Variants in BOLL observed in about 807,000 individuals in gnomAD.
BOLL encodes protein boule-like.
In BOLL, 23 loss-of-function variants were observed where a neutral mutation model predicts 44.4. That is an observed-to-expected ratio of 0.52 (90% CI 0.37 to 0.73). The LOEUF (loss-of-function observed/expected upper bound fraction) is 0.73, where lower values mean the gene tolerates loss of function less well. Ranked by LOEUF, BOLL falls within the 30% of genes least tolerant of loss-of-function variation. BOLL has a pLI of 0.00. For missense variants in BOLL, 287 were observed against 338.3 expected (o/e 0.85, Z 1.19); for synonymous variants, 97 against 110.8 (o/e 0.88, Z 0.78).
At chr2:197,754,063 A>T (rs905292582) in intron 9 of BOLL, among the ~76,000 whole-genome samples, 3 of 152,096 alleles carry the variant, frequency 2.0e-5, no homozygotes, top group Non-Finnish European at 4.4e-5. Context: ...GCATGTTCTC[A>T]CTCATAAGTG....
intron 3 of BOLL, among the ~76,000 whole-genome samples, chr2:197,777,315 A>G (rs544014030): frequency 2.6e-5 from 4 of 151,998 alleles, no homozygotes; most frequent in Non-Finnish European, 4.4e-5. Flanking sequence ...TAAAAGAAAA[A>G]AAACCCCTGA....
chr2:197,742,130 G>T (rs1404154469), intron 10 of BOLL, among the ~76,000 whole-genome samples: 3 of 152,198 alleles, frequency 2.0e-5, no homozygotes, highest in African/African-American at 7.2e-5. Context: ...TCTTACACCA[G>T]TTAGAATGGC....
rs963502078 is a variant in BOLL, at chr2:197,752,179, C to T, written c.729+4249G>A. ...AATAATAAGAGCTATTTATGACAAACGAATAGCCAATATCATACTGAATGG... is the reference window on the plus strand; with the variant it reads ...AATAATAAGAGCTATTTATGACAAATGAATAGCCAATATCATACTGAATGG... On this transcript the variant is annotated intron_variant, in intron 9 of 10. Coordinates refer to ENST00000392296, the MANE Select transcript of BOLL (RefSeq NM_033030.6). 3.3e-5 allele frequency among the ~76,000 whole-genome samples: 5 copies of T among 152,228 alleles called. No individual in the cohort carries two copies. In the East Asian group the frequency reaches 5.8e-4, roughly 18 times the overall value.
chr2:197,747,171 C>G (rs548760804), intron 9 of BOLL, among the ~76,000 whole-genome samples: 2 of 152,162 alleles, frequency 1.3e-5, no homozygotes, highest in South Asian at 4.1e-4. Context: ...TTGGGGTAAT[C>G]ATTTCACAGT....
chr2:197,784,349 T>C (rs1007329947), intron 1 of BOLL, among the ~76,000 whole-genome samples: 4 of 137,338 alleles, frequency 2.9e-5, no homozygotes, highest in Admixed American at 1.5e-4. Context: ...ATATGCCAAA[T>C]AGGCTGAAGG....
intron 9 of BOLL, among the ~76,000 whole-genome samples, chr2:197,750,438 A>T (rs1345627874): frequency 6.6e-6 from 1 of 152,212 alleles, no homozygotes; most frequent in Non-Finnish European, 1.5e-5. Context: ...CTCAAAATAA[A>T]GGGATGGAGG....
chr2:197,758,950 A>G (rs1241600530), intron 7 of BOLL: 4 of 1,535,834 alleles, frequency 2.6e-6, no homozygotes, highest in East Asian at 2.4e-5. Context: ...ACCTCATCAC[A>G]TTTGGTAAAA....
chr2:197,770,176 C>T (rs1045538045), intron 6 of BOLL, among the ~76,000 whole-genome samples: 2 of 152,004 alleles, frequency 1.3e-5, no homozygotes, highest in African/African-American at 4.8e-5. Context: ...GAACAGAGGC[C>T]TCAGAAATAA....
chr2:197,740,769 T>G (rs1418968837), intron 10 of BOLL, among the ~76,000 whole-genome samples: 1 of 152,100 alleles, frequency 6.6e-6, no homozygotes, highest in Non-Finnish European at 1.5e-5. Context: ...GCTTAATGGG[T>G]GCACAGAGTT....
intron 3 of BOLL, 25 bp downstream of exon 3, chr2:197,778,950 A>G: frequency 6.4e-7 from 1 of 1,572,532 alleles, no homozygotes; most frequent in African/African-American, 1.4e-5. Flanking sequence ...TGCTAATTCC[A>G]TAGACAATCT....
At chr2:197,745,038 G>C (rs898320976) in intron 9 of BOLL, among the ~76,000 whole-genome samples, 2 of 152,162 alleles carry the variant, frequency 1.3e-5, no homozygotes, top group Admixed American at 6.6e-5. Flanking sequence ...GATGAGTTAC[G>C]ATACAGGTAA....
chr2:197,753,022 T>C (rs957329983), intron 9 of BOLL, among the ~76,000 whole-genome samples: 2 of 152,178 alleles, frequency 1.3e-5, no homozygotes, highest in African/African-American at 4.8e-5. Context: ...CATCTGATCT[T>C]TGACAAACCT....
chr2:197,757,336 T>C lies in BOLL; in HGVS notation c.600+17A>G. The C allele has an allele frequency of 6.3e-7, 1 of 1,594,482 alleles. No homozygotes were observed. The highest frequency in any genetic ancestry group is 8.6e-7 in the Non-Finnish European group (1 of 1,166,752). On this transcript the variant is annotated intron_variant, in intron 8 of 10. Transcript: ENST00000392296. ...GAAAGAAGGATTTAAAATTATATAT[T>C]GAAAGTTAACATTTACCTGAGGAAC...
At chr2:197,780,428 AC>A (rs1319064335) in intron 2 of BOLL, among the ~76,000 whole-genome samples, 1 of 152,078 alleles carries the variant, frequency 6.6e-6, no homozygotes, top group African/African-American at 2.4e-5. Context: ...GGCTTCAGTA[AC>A]CTAAAATAAC....
chr2:197,761,156 TA>T (rs1227088998), intron 7 of BOLL, among the ~76,000 whole-genome samples: 2 of 151,714 alleles, frequency 1.3e-5, no homozygotes, highest in East Asian at 1.9e-4. Flanking sequence ...CCCTATCTCT[TA>T]AAAAAAATTA....
Position 197,731,282 on chromosome 2 carries a change from C to G in BOLL, c.829-2704G>C, listed in dbSNP as rs1687163650. On this transcript the variant is annotated intron_variant, in intron 10 of 10. Transcript: ENST00000392296. ...GAGCTAACTATCCTAAATATATATG[C>G]ACCCAATACAGGAGCACCAAGATTC... is the stretch of plus-strand genomic sequence containing the variant. Among the ~76,000 whole-genome samples, 4 of 150,684 alleles carry G rather than the reference C, an allele frequency of 2.7e-5. No individual in the cohort carries two copies. In the South Asian group the frequency reaches 8.5e-4, roughly 32 times the overall value.
intron 9 of BOLL, among the ~76,000 whole-genome samples, chr2:197,748,916 C>T (rs935350872): frequency 3.3e-5 from 5 of 152,234 alleles, no homozygotes; most frequent in African/African-American, 1.2e-4. Context: ...TAAGTGAGTC[C>T]CTGACACCTG....
intron 9 of BOLL, among the ~76,000 whole-genome samples, chr2:197,747,785 A>G (rs531422540): frequency 9.8e-5 from 15 of 152,320 alleles, no homozygotes; most frequent in African/African-American, 3.6e-4. Flanking sequence ...ACACTGATTT[A>G]AAACATACCA....
At chr2:197,748,596 C>T (rs1031625627) in intron 9 of BOLL, among the ~76,000 whole-genome samples, 11 of 152,194 alleles carry the variant, frequency 7.2e-5, no homozygotes, top group Non-Finnish European at 1.0e-4. Flanking sequence ...GTTTTCCACT[C>T]ACAGTGTAAA....
Sources: gnomAD v4.1 joint callset for allele counts (sites outside exome capture counted in the v4.1 genomes callset) on GRCh38, gnomAD v4.1.1 for gene constraint, MANE v1.5 for transcripts, NCBI Gene and HGNC (gene_info 2026-07-23, HGNC 2026-07-21) for gene names.